Variants in TMTC1 observed in about 807,000 individuals in gnomAD.
TMTC1 encodes the protein protein O-mannosyl-transferase TMTC1.
Under a neutral mutation model 104.8 loss-of-function variants are expected in TMTC1, and 73 were observed. That is an observed-to-expected ratio of 0.70 (90% CI 0.58 to 0.85). The LOEUF is 0.85. TMTC1 is among the 40% of genes least tolerant of loss of function. The pLI is 0.00. For synonymous variants in TMTC1, 434 were observed against 428.7 expected, an observed-to-expected ratio of 1.01 and a Z score of -0.15; for missense variants, 1,035 against 1,096.1, an observed-to-expected ratio of 0.94 and a Z score of 0.79.
At chr12:29,549,646 T>C (rs1945042323) in intron 10 of TMTC1, among the ~76,000 whole-genome samples, 1 of 152,094 alleles carries the variant, frequency 6.6e-6, no homozygotes, top group Non-Finnish European at 1.5e-5. Context: ...AGCAGGAGTC[T>C]ACGAACATGC....
chr12:29,770,572 T>C (rs1943572545), intron 1 of TMTC1, among the ~76,000 whole-genome samples: 1 of 152,198 alleles, frequency 6.6e-6, no homozygotes, highest in African/African-American at 2.4e-5. Context: ...ATGCCTGGTG[T>C]ATGAAGTGAA....
chr12:29,513,103 T>C (rs977942324), intron 16 of TMTC1, among the ~76,000 whole-genome samples: 3 of 152,182 alleles, frequency 2.0e-5, no homozygotes, highest in Non-Finnish European at 2.9e-5. Flanking sequence ...GATGGGAATG[T>C]AGTGTAGGAG....
intron 8 of TMTC1, among the ~76,000 whole-genome samples, chr12:29,578,644 T>C (rs1945890554): frequency 6.6e-6 from 1 of 152,192 alleles, no homozygotes; most frequent in Non-Finnish European, 1.5e-5. Flanking sequence ...CCTTTTATTG[T>C]GGAAGACTTG....
intron 5 of TMTC1, among the ~76,000 whole-genome samples, chr12:29,735,220 T>A (rs913332296): frequency 2.0e-5 from 3 of 152,212 alleles, no homozygotes; most frequent in Admixed American, 6.5e-5. Flanking sequence ...AGTTATTAGA[T>A]TTCCCATCAA....
chr12:29,674,673 G>C (rs1374820349), intron 5 of TMTC1, among the ~76,000 whole-genome samples: 1 of 152,206 alleles, frequency 6.6e-6, no homozygotes, highest in Non-Finnish European at 1.5e-5. Context: ...TGGCCTGTGA[G>C]GGCTCAAATC....
intron 5 of TMTC1, among the ~76,000 whole-genome samples, chr12:29,738,603 C>T (rs1023845957): frequency 6.6e-6 from 1 of 152,154 alleles, no homozygotes; most frequent in African/African-American, 2.4e-5. Flanking sequence ...CAATTATCTG[C>T]TCTAGTACAA....
At chr12:29,587,121 T>C (rs1171372357) in intron 7 of TMTC1, among the ~76,000 whole-genome samples, 1 of 152,176 alleles carries the variant, frequency 6.6e-6, no homozygotes, top group East Asian at 1.9e-4. Flanking sequence ...GAGCCTGTTA[T>C]TGGTCTATTC....
chr12:29,662,755 G>C (rs947790267), intron 5 of TMTC1, among the ~76,000 whole-genome samples: 4 of 151,782 alleles, frequency 2.6e-5, no homozygotes, highest in Non-Finnish European at 2.9e-5. Flanking sequence ...GGAGGTGAGA[G>C]CCTCACGCTT....
At chr12:29,563,680 C>T (rs1945435604) in intron 9 of TMTC1, among the ~76,000 whole-genome samples, 2 of 152,178 alleles carry the variant, frequency 1.3e-5, no homozygotes, top group African/African-American at 4.8e-5. Flanking sequence ...TGTCCTCTGA[C>T]TCTAAGAGCC....
intron 7 of TMTC1, among the ~76,000 whole-genome samples, chr12:29,598,747 A>G (rs1946477555): frequency 6.6e-6 from 1 of 152,212 alleles, no homozygotes; most frequent in South Asian, 2.1e-4. Context: ...GTTAATGTGT[A>G]GAATAGCTAC....
intron 7 of TMTC1, among the ~76,000 whole-genome samples, chr12:29,589,467 G>C (rs1946224288): frequency 6.6e-6 from 1 of 152,200 alleles, no homozygotes; most frequent in South Asian, 2.1e-4. Context: ...CACTCCATGT[G>C]CTGTCCTGCT....
intron 7 of TMTC1, among the ~76,000 whole-genome samples, chr12:29,601,986 C>T (rs536660188): frequency 5.9e-5 from 9 of 151,966 alleles, no homozygotes; most frequent in African/African-American, 2.2e-4. Flanking sequence ...CAGGCGCCCG[C>T]CACCGTGCCT....
intron 5 of TMTC1, among the ~76,000 whole-genome samples, chr12:29,687,807 T>C (rs1468620730): frequency 6.6e-6 from 1 of 152,194 alleles, no homozygotes; most frequent in African/African-American, 2.4e-5. Context: ...CTCCCATTGT[T>C]TTTCTTTCAT....
intron 5 of TMTC1, among the ~76,000 whole-genome samples, chr12:29,740,303 A>T (rs1321908007): frequency 6.6e-6 from 1 of 152,198 alleles, no homozygotes; most frequent in Non-Finnish European, 1.5e-5. Context: ...GCCAAAAGAG[A>T]TTAACATTTG....
At chr12:29,705,244 C>T (rs1340874555) in intron 5 of TMTC1, among the ~76,000 whole-genome samples, 2 of 152,138 alleles carry the variant, frequency 1.3e-5, no homozygotes, top group Non-Finnish European at 2.9e-5. Context: ...GGTGGCCCAT[C>T]GGTCAAACTT....
chr12:29,680,142 C>T (rs913076461), intron 5 of TMTC1, among the ~76,000 whole-genome samples: 4 of 152,094 alleles, frequency 2.6e-5, no homozygotes, highest in Non-Finnish European at 5.9e-5. Flanking sequence ...GCAAGGGAGA[C>T]AGAAATGTAC....
intron 5 of TMTC1, among the ~76,000 whole-genome samples, chr12:29,673,244 C>T (rs1216648072): frequency 9.7e-6 from 1 of 102,852 alleles, no homozygotes; most frequent in East Asian, 2.8e-4. Context: ...TACTCACTTG[C>T]TTTGAAACTC....
intron 7 of TMTC1, among the ~76,000 whole-genome samples, chr12:29,602,583 G>T (rs541506225): frequency 2.0e-5 from 3 of 152,292 alleles, no homozygotes; most frequent in South Asian, 2.1e-4. Flanking sequence ...GACTTCAGGG[G>T]CAGGCTGTGA....
At chr12:29,624,736 A>C (rs928927018) in intron 6 of TMTC1, among the ~76,000 whole-genome samples, 3 of 152,334 alleles carry the variant, frequency 2.0e-5, no homozygotes, top group African/African-American at 7.2e-5. Flanking sequence ...TTGACAAATC[A>C]AGACATATTT....
Sources: allele counts gnomAD v4.1 joint callset (sites outside exome capture counted in the v4.1 genomes callset), GRCh38; gene constraint gnomAD v4.1.1; transcripts MANE v1.5; gene names NCBI Gene and HGNC (gene_info 2026-07-23, HGNC 2026-07-21).